The following PVT1 variants were observed in gnomAD, a reference collection of about 807,000 sequenced individuals.
The protein encoded by PVT1 is CXCR4/PVT1 fusion.
intron 2 of PVT1, among the ~76,000 whole-genome samples, chr8:127,843,332 G>A (rs1023700477): frequency 1.8e-4 from 27 of 152,294 alleles, no homozygotes; most frequent in African/African-American, 6.0e-4. Flanking sequence ...GCAACAGAGC[G>A]AGACTCTGTC....
At chr8:127,830,331 T>G (rs1435358623) in intron 2 of PVT1, among the ~76,000 whole-genome samples, 1 of 151,382 alleles carries the variant, frequency 6.6e-6, no homozygotes, top group East Asian at 1.9e-4. Flanking sequence ...ATAGCAGAAG[T>G]GGAGGGAGAG....
chr8:128,099,284 C>T (rs1814470044), intron 6 of PVT1: 3 of 152,366 alleles, frequency 2.0e-5, no homozygotes, highest in South Asian at 4.1e-4. Context: ...GGAATGAAGG[C>T]AGTGGAGGCC....
rs1456917453 is a variant in PVT1, at chr8:128,035,486, T to C, written n.913-34674T>C. Among the ~76,000 whole-genome samples, 7 of 151,882 alleles carry C rather than the reference T, an allele frequency of 4.6e-5. No individual in the cohort carries two copies. The East Asian group carries it at 1.3e-3, about 29-fold the overall frequency. On this transcript the variant is annotated intron_variant and non_coding_transcript_variant, in intron 4 of 10. Transcript: ENST00000651587. ...TGTGTTCCTACCCTTCATCCCTCCTTCTGCGTTTATTGAGCCTTGCTAGGT... is the reference window on the plus strand; with the variant it reads ...TGTGTTCCTACCCTTCATCCCTCCTCCTGCGTTTATTGAGCCTTGCTAGGT...
intron 3 of PVT1, among the ~76,000 whole-genome samples, chr8:127,914,839 C>T (rs1842197846): frequency 7.4e-6 from 1 of 134,850 alleles, no homozygotes; most frequent in African/African-American, 2.9e-5. Context: ...TTTTTTGAGA[C>T]CGAGTTTCCC....
intron 2 of PVT1, among the ~76,000 whole-genome samples, chr8:127,827,520 C>T (rs1333540686): frequency 6.6e-6 from 1 of 152,130 alleles, no homozygotes; most frequent in African/African-American, 2.4e-5. Flanking sequence ...CTAACCAGCC[C>T]CCTTCACGGT....
intron 3 of PVT1, among the ~76,000 whole-genome samples, chr8:127,896,609 T>TTTTA (rs10622337): frequency 0.82 from 124,050 of 151,442 alleles, 51,536 homozygotes; most frequent in African/African-American, 0.96. Context: ...TTTATTTTAT[T>TTTTA]TTTATTATGT....
chr8:127,994,727 A>G (rs537834288), intron 4 of PVT1, among the ~76,000 whole-genome samples: 1 of 152,348 alleles, frequency 6.6e-6, no homozygotes, highest in Non-Finnish European at 1.5e-5. Flanking sequence ...CGTGTCACAA[A>G]GGGCAGAGGG....
intron 3 of PVT1, chr8:127,947,398 C>T (rs943134667): frequency 1.9e-4 from 47 of 242,606 alleles, no homozygotes; most frequent in Admixed American, 9.7e-5. Flanking sequence ...AACGGAACCA[C>T]GAACAAGCCG....
chr8:127,897,260 C>G (rs377007214), intron 3 of PVT1, among the ~76,000 whole-genome samples: 2 of 152,270 alleles, frequency 1.3e-5, no homozygotes, highest in African/African-American at 4.8e-5. Flanking sequence ...GATATCTGGG[C>G]CAGGTGGGTG....
At chr8:127,968,259 G>T (rs946505798) in intron 3 of PVT1, among the ~76,000 whole-genome samples, 2 of 152,012 alleles carry the variant, frequency 1.3e-5, no homozygotes, top group African/African-American at 4.8e-5. Flanking sequence ...ATCTGTCCTC[G>T]ATGGTCCCTC....
chr8:127,937,580 C>CACACACACACACACAGAG (rs59006608), intron 3 of PVT1, among the ~76,000 whole-genome samples: 42 of 107,850 alleles, frequency 3.9e-4, no homozygotes, highest in African/African-American at 1.1e-3. Context: ...CACACACACA[C>CACACACACACACACAGAG]AGAGAGAGAG....
intron 2 of PVT1, among the ~76,000 whole-genome samples, chr8:127,882,630 C>T (rs1815480986): frequency 6.6e-6 from 1 of 151,978 alleles, no homozygotes; most frequent in Admixed American, 6.5e-5. Context: ...ATTACAGGTG[C>T]CCGCCACCAC....
At chr8:127,984,925 TTC>T (rs748764860) in intron 3 of PVT1, among the ~76,000 whole-genome samples, 15 of 130,508 alleles carry the variant, frequency 1.1e-4, no homozygotes, top group African/African-American at 1.6e-4. Context: ...TTCTTTCTCT[TTC>T]TCTTTCTTTC....
At position 127,809,895 on chromosome 8, in the gene PVT1, A is replaced by G. The variant is rs557682030; in HGVS notation, n.372+13824A>G. On this transcript the variant is annotated intron_variant and non_coding_transcript_variant, in intron 2 of 10. Coordinates refer to ENST00000651587, the Ensembl canonical transcript of PVT1. ...GAGATTTTGAAGAGAGATATCTCCT[A>G]TCCATGTGGTACATTGCTTTTCACA... Among the ~76,000 whole-genome samples the G allele has an allele frequency of 5.9e-5, 9 of 152,342 alleles. No homozygotes were observed. In the South Asian group the frequency reaches 1.7e-3, roughly 28 times the overall value.
At chr8:128,042,447 C>T (rs1045940884) in intron 4 of PVT1, among the ~76,000 whole-genome samples, 1 of 152,174 alleles carries the variant, frequency 6.6e-6, no homozygotes, top group African/African-American at 2.4e-5. Flanking sequence ...GACCATCATA[C>T]AGTATAAGAA....
intron 5 of PVT1, among the ~76,000 whole-genome samples, chr8:128,079,002 T>C (rs749667917): frequency 2.9e-4 from 41 of 142,458 alleles, no homozygotes; most frequent in South Asian, 7.2e-4. Flanking sequence ...TCCTTTTCTT[T>C]TCTTTTTTTT....
chr8:127,977,864 T>A (rs933759532), intron 3 of PVT1, among the ~76,000 whole-genome samples: 4 of 152,248 alleles, frequency 2.6e-5, no homozygotes, highest in African/African-American at 9.6e-5. Flanking sequence ...GTAAGTTCGG[T>A]GCCTTCTGTC....
At chr8:127,824,121 C>G (rs920695091) in intron 2 of PVT1, among the ~76,000 whole-genome samples, 1 of 152,172 alleles carries the variant, frequency 6.6e-6, no homozygotes, top group Admixed American at 6.5e-5. Context: ...TTTGAGGCTG[C>G]AGTGAGCTGT....
intron 2 of PVT1, among the ~76,000 whole-genome samples, chr8:127,879,301 G>A (rs570529141): frequency 3.9e-5 from 6 of 152,320 alleles, no homozygotes; most frequent in South Asian, 2.1e-4. Flanking sequence ...GGCCAAGGCC[G>A]GGGTATCAGT....
Sources: gnomAD v4.1 joint callset for allele counts (sites outside exome capture counted in the v4.1 genomes callset) on GRCh38, gnomAD v4.1.1 for gene constraint, MANE v1.5 for transcripts, NCBI Gene and HGNC (gene_info 2026-07-23, HGNC 2026-07-21) for gene names.